FRMD4B: variants seen among roughly 807,000 people sequenced by gnomAD.
FRMD4B encodes FERM domain-containing protein 4B.
In FRMD4B, 74 loss-of-function variants were observed where a neutral mutation model predicts 141.5. That is an observed-to-expected ratio of 0.52 (90% CI 0.43 to 0.63). The LOEUF (loss-of-function observed/expected upper bound fraction) is 0.63. FRMD4B is among the 30% of genes least tolerant of loss of function. The pLI is 0.00. For missense variants in FRMD4B, 1,366 were observed against 1,253.4 expected, an observed-to-expected ratio of 1.09 and a Z score of -1.36; for synonymous variants, 506 against 467.9, an observed-to-expected ratio of 1.08 and a Z score of -1.05.
intron 11 of FRMD4B, among the ~76,000 whole-genome samples, chr3:69,209,250 A>G (rs1393491380): frequency 6.6e-6 from 1 of 152,016 alleles, no homozygotes; most frequent in African/African-American, 2.4e-5. Context: ...TACTTTCCAA[A>G]TGACAGAGGA....
intron 7 of FRMD4B, among the ~76,000 whole-genome samples, chr3:69,226,940 C>T (rs562046873): frequency 3.1e-4 from 47 of 152,226 alleles, no homozygotes; most frequent in African/African-American, 7.5e-4. Context: ...AAGTATCTCA[C>T]GACACTGAGA....
rs117171862 is a variant in FRMD4B, at chr3:69,180,307, T to C, written c.2851+592A>G. Among the ~76,000 whole-genome samples, 513 of 148,368 alleles carry C rather than the reference T, an allele frequency of 3.5e-3. 14 individuals carry two copies. The East Asian group carries it at 0.076, about 22-fold the overall frequency. The stretch of plus-strand genomic sequence containing the variant: ...AGAACAGTGCTTAATCAATGCCAGC[T>C]CCTATAAGGATTCTTACGAGCCTTA... On this transcript the variant is annotated intron_variant, in intron 21 of 22. Coordinates refer to ENST00000398540, the MANE Select transcript of FRMD4B (RefSeq NM_015123.3).
chr3:69,238,128 C>A (rs1489764904), intron 7 of FRMD4B, among the ~76,000 whole-genome samples: 1 of 152,210 alleles, frequency 6.6e-6, no homozygotes, highest in Non-Finnish European at 1.5e-5. Context: ...GTCTTCATGG[C>A]ACCCAAGATG....
chr3:69,508,086 T>G (rs1706628953), intron 1 of FRMD4B, among the ~76,000 whole-genome samples: 1 of 152,212 alleles, frequency 6.6e-6, no homozygotes, highest in Non-Finnish European at 1.5e-5. Flanking sequence ...CACTATCTTG[T>G]ACTGCATTTA....
chr3:69,318,225 T>A (rs566446890), intron 1 of FRMD4B, among the ~76,000 whole-genome samples: 3 of 152,268 alleles, frequency 2.0e-5, no homozygotes, highest in African/African-American at 7.2e-5. Context: ...CCTGCCCGCC[T>A]TGGACTTCCA....
At chr3:69,451,179 T>C (rs1219338570) in intron 1 of FRMD4B, among the ~76,000 whole-genome samples, 1 of 152,054 alleles carries the variant, frequency 6.6e-6, no homozygotes, top group Non-Finnish European at 1.5e-5. Context: ...GATTTTATCA[T>C]AGCCAGGGTG....
intron 1 of FRMD4B, among the ~76,000 whole-genome samples, chr3:69,385,379 C>A (rs1251032552): frequency 2.0e-5 from 3 of 152,120 alleles, no homozygotes; most frequent in Non-Finnish European, 4.4e-5. Context: ...TGATGGAAAA[C>A]TGAAAATCCA....
intron 1 of FRMD4B, among the ~76,000 whole-genome samples, chr3:69,487,627 G>A (rs140330326): frequency 2.0e-5 from 3 of 152,306 alleles, no homozygotes; most frequent in Non-Finnish European, 4.4e-5. Context: ...CTTAGAAGAT[G>A]TCAAAGATCA....
At chr3:69,534,343 A>T (rs1019483161) in intron 1 of FRMD4B, among the ~76,000 whole-genome samples, 8 of 152,102 alleles carry the variant, frequency 5.3e-5, no homozygotes, top group Admixed American at 3.3e-4. Context: ...GTCTAGGTGA[A>T]TTTTTTTTCT....
chr3:69,424,686 T>C (rs1219303598), intron 2 of FRMD4B, among the ~76,000 whole-genome samples: 1 of 152,184 alleles, frequency 6.6e-6, no homozygotes, highest in Non-Finnish European at 1.5e-5. Context: ...AGAAACAGAA[T>C]TACTTTTATA....
At chr3:69,419,857 G>T (rs1293755644) in intron 2 of FRMD4B, among the ~76,000 whole-genome samples, 1 of 152,144 alleles carries the variant, frequency 6.6e-6, no homozygotes. Context: ...ATGGGTCAAG[G>T]TGTTTGTTTC....
At chr3:69,433,634 T>C (rs1049044266) in intron 1 of FRMD4B, among the ~76,000 whole-genome samples, 2 of 152,230 alleles carry the variant, frequency 1.3e-5, no homozygotes, top group Non-Finnish European at 2.9e-5. Flanking sequence ...CTCTCTCTCC[T>C]TCCTGATGCC....
chr3:69,456,826 T>C (rs1012976154), intron 1 of FRMD4B, among the ~76,000 whole-genome samples: 1 of 151,736 alleles, frequency 6.6e-6, no homozygotes, highest in East Asian at 1.9e-4. Flanking sequence ...CTAAATAAAG[T>C]TTTATTGGAG....
intron 5 of FRMD4B, among the ~76,000 whole-genome samples, chr3:69,253,049 C>A (rs1013375506): frequency 2.0e-5 from 3 of 152,080 alleles, no homozygotes; most frequent in Non-Finnish European, 4.4e-5. Flanking sequence ...TCATTTTTGT[C>A]TTTGGCTTCT....
At chr3:69,424,416 C>T (rs150806558) in intron 2 of FRMD4B, among the ~76,000 whole-genome samples, 2 of 152,138 alleles carry the variant, frequency 1.3e-5, no homozygotes, top group African/African-American at 4.8e-5. Context: ...GCTTTGGCCT[C>T]CCAAAGAGAT....
At chr3:69,520,923 G>C (rs189328524) in intron 1 of FRMD4B, among the ~76,000 whole-genome samples, 9 of 152,272 alleles carry the variant, frequency 5.9e-5, no homozygotes, top group Admixed American at 5.2e-4. Flanking sequence ...GGCTTGTTCA[G>C]GTCTCTAGTA....
At chr3:69,541,702 A>G (rs961541636) in intron 1 of FRMD4B, among the ~76,000 whole-genome samples, 1 of 152,180 alleles carries the variant, frequency 6.6e-6, no homozygotes, top group African/African-American at 2.4e-5. Context: ...CTGCCTCTCC[A>G]ACATAGGAGC....
At chr3:69,418,189 T>C (rs1704902613) in intron 2 of FRMD4B, among the ~76,000 whole-genome samples, 1 of 152,220 alleles carries the variant, frequency 6.6e-6, no homozygotes, top group Non-Finnish European at 1.5e-5. Flanking sequence ...CTAAAATGTA[T>C]ACACACAGGC....
At chr3:69,540,312 T>C (rs927581151) in intron 1 of FRMD4B, among the ~76,000 whole-genome samples, 1 of 151,310 alleles carries the variant, frequency 6.6e-6, no homozygotes, top group Non-Finnish European at 1.5e-5. Flanking sequence ...ATCATCTTTT[T>C]AAATTTATTA....
Sources: gnomAD v4.1 joint callset for allele counts (sites outside exome capture counted in the v4.1 genomes callset) on GRCh38, gnomAD v4.1.1 for gene constraint, MANE v1.5 for transcripts, NCBI Gene and HGNC (gene_info 2026-07-23, HGNC 2026-07-21) for gene names.